Variants in SEC14L1 observed in about 807,000 individuals in gnomAD.
The protein encoded by SEC14L1 is SEC14 like lipid binding 1.
A neutral mutation model predicts 85.3 loss-of-function variants in SEC14L1; 48 were observed. The ratio of observed to expected loss-of-function variants is 0.56; its 90% CI spans 0.45 to 0.72. SEC14L1 has a LOEUF of 0.72. Ranked by LOEUF, SEC14L1 falls within the 30% of genes least tolerant of loss-of-function variation. The pLI is 0.00. For missense variants in SEC14L1, 682 were observed against 921.4 expected (o/e 0.74, Z 3.36); for synonymous variants, 391 against 355.5 (o/e 1.10, Z -1.12).
chr17:77,176,453 G>A (rs890746382), intron 3 of SEC14L1, among the ~76,000 whole-genome samples: 3 of 152,216 alleles, frequency 2.0e-5, no homozygotes, highest in Non-Finnish European at 2.9e-5. Context: ...TTTCACTGGG[G>A]ACCTGCTCCT....
rs1266590172 is a variant in SEC14L1, at chr17:77,216,110, CGTAGGTAGGGTTA to C, written c.*2098_*2110del. On this transcript the variant is annotated 3_prime_UTR_variant, in exon 17 of 17. Transcript: ENST00000436233. The stretch of plus-strand genomic sequence containing the variant: ...GTAGGTAGGGCTAGTAGGTAGGGTT[CGTAGGTAGGGTTA>C]GTAGGTAGGGCTAGTAGGTAGGGTT... 152 of 797,928 alleles carry C rather than the reference CGTAGGTAGGGTTA, an allele frequency of 1.9e-4. 1 individual carries two copies. Among genetic ancestry groups the C allele is most frequent in the Admixed American group, 1.7e-3 (13 of 7,798 alleles). The allele number at this position is 797,928 out of a possible 1,614,324, so 49.4% of individuals were successfully genotyped here.
intron 14 of SEC14L1, 148 bp downstream of exon 14, chr17:77,209,624 A>G: frequency 1.2e-6 from 1 of 804,438 alleles, no homozygotes; most frequent in East Asian, 2.8e-5. Flanking sequence ...CTCGATATTT[A>G]GTTTCAGTAA....
At chr17:77,196,790 C>T (rs1338361516) in intron 8 of SEC14L1, among the ~76,000 whole-genome samples, 1 of 152,152 alleles carries the variant, frequency 6.6e-6, no homozygotes, top group Non-Finnish European at 1.5e-5. Flanking sequence ...CTAGGCATTG[C>T]ATGTATTTGG....
chr17:77,178,869 G>A (rs1054126617), intron 3 of SEC14L1, among the ~76,000 whole-genome samples: 18 of 152,312 alleles, frequency 1.2e-4, no homozygotes, highest in Admixed American at 1.2e-3. Flanking sequence ...GTTAAACGAA[G>A]GTAGTCCAGG....
At chr17:77,208,630 G>A (rs572053224) in intron 13 of SEC14L1, among the ~76,000 whole-genome samples, 83 of 152,282 alleles carry the variant, frequency 5.5e-4, no homozygotes, top group African/African-American at 1.9e-3. Context: ...ACTAACCAGC[G>A]GGCAGTCTGG....
chr17:77,106,226 C>G (rs1044355067), intron 3 of SEC14L1, among the ~76,000 whole-genome samples: 2 of 151,838 alleles, frequency 1.3e-5, no homozygotes, highest in African/African-American at 4.8e-5. Context: ...AGACTGTCTT[C>G]TACAAATAAT....
intron 3 of SEC14L1, among the ~76,000 whole-genome samples, chr17:77,163,306 C>T (rs1974149525): frequency 1.3e-5 from 2 of 152,022 alleles, no homozygotes; most frequent in African/African-American, 4.8e-5. Context: ...ATCTTGAAGG[C>T]CAGCTGCCAA....
rs556340718 is a variant in SEC14L1 at position 77,116,824 on chromosome 17, C to G, written c.-136+23477C>G. On this transcript the variant is annotated intron_variant, in intron 3 of 19. Coordinates refer to the SEC14L1 transcript ENST00000392476. ...TAAGGAGCTTACCTGGCAGGATGCTCTGGGGTAAGTGGGACTGTAGAAGTC... is the reference window on the plus strand; with the variant it reads ...TAAGGAGCTTACCTGGCAGGATGCTGTGGGGTAAGTGGGACTGTAGAAGTC... 6.6e-5 allele frequency among the ~76,000 whole-genome samples: 10 copies of G among 152,266 alleles called. No individual in the cohort carries two copies. In the South Asian group the frequency reaches 1.7e-3, roughly 25 times the overall value.
At chr17:77,100,265 T>C (rs573194124) in intron 3 of SEC14L1, among the ~76,000 whole-genome samples, 1 of 152,238 alleles carries the variant, frequency 6.6e-6, no homozygotes, top group Non-Finnish European at 1.5e-5. Context: ...CTCCGAGCAC[T>C]GTGGTCATCT....
intron 5 of SEC14L1, among the ~76,000 whole-genome samples, chr17:77,192,758 T>C (rs1162516122): frequency 6.6e-6 from 1 of 151,772 alleles, no homozygotes; most frequent in African/African-American, 2.4e-5. Flanking sequence ...CCTCCCAGGC[T>C]CAAGTGATCC....
chr17:77,092,772 A>C (rs1384392769), intron 2 of SEC14L1, among the ~76,000 whole-genome samples: 3 of 151,930 alleles, frequency 2.0e-5, no homozygotes, highest in African/African-American at 7.3e-5. Context: ...AACATGGAGA[A>C]ACCCCGTCTT....
intron 3 of SEC14L1, among the ~76,000 whole-genome samples, chr17:77,176,594 C>T (rs969863367): frequency 6.6e-6 from 1 of 152,110 alleles, no homozygotes; most frequent in Non-Finnish European, 1.5e-5. Flanking sequence ...TTTGTTTGTT[C>T]GTTTGTTTTT....
At chr17:77,138,562 G>T (rs900482164), upstream of SEC14L1, among the ~76,000 whole-genome samples, 67 of 152,224 alleles carry the variant, frequency 4.4e-4, no homozygotes, top group Non-Finnish European at 7.2e-4. Flanking sequence ...GGAGGTTGCA[G>T]TGAGCCAAGA....
intron 8 of SEC14L1, among the ~76,000 whole-genome samples, chr17:77,197,280 C>T (rs777188292): frequency 2.6e-5 from 4 of 152,246 alleles, no homozygotes; most frequent in Middle Eastern, 3.4e-3. Context: ...CACATGGCCA[C>T]GGAGGAAGAC....
At position 77,216,327 on chromosome 17, in the gene SEC14L1, G is replaced by A; in HGVS notation, c.*2304G>A. The A allele has an allele frequency of 7.4e-7, 1 of 1,352,610 alleles. No individual in the cohort carries two copies. Among genetic ancestry groups the A allele is most frequent in the Non-Finnish European group, 9.5e-7 (1 of 1,050,686 alleles). The allele number at this position is 1,352,610 out of a possible 1,614,324, so 83.8% of individuals were successfully genotyped here. On this transcript the variant is annotated 3_prime_UTR_variant, in exon 17 of 17. Transcript: ENST00000436233. ...GCTAGTAGGTAGGGCTAGTAGGTAG[G>A]GCTAGTAGGTAGGGTTAGTAGGTAG...
rs574704999 is a variant in SEC14L1 at position 77,213,229 on chromosome 17, A to C, written c.1864-85A>C. On this transcript the variant is annotated intron_variant, in intron 15 of 16. Transcript: ENST00000436233. The surrounding 1 kb of genome is among the most constrained non-coding windows in gnomAD (Gnocchi z 7.1). ...CGTAGCTACATGAAATCCTAAAGAC[A>C]GTCCCCTTGGCGCTTGTCAGGCCTG... The C allele has an allele frequency of 8.7e-7, 1 of 1,151,320 alleles. No individual in the cohort carries two copies. The highest frequency in any genetic ancestry group is 1.5e-5 in the African/African-American group (1 of 64,662). 71.3% of individuals were successfully genotyped at this position (1,151,320 alleles called of 1,614,324 possible).
chr17:77,206,684 A>T lies in SEC14L1; in HGVS notation c.1342-44A>T. 1 of 1,560,860 alleles carries T rather than the reference A, an allele frequency of 6.4e-7. No individual in the cohort carries two copies. Among genetic ancestry groups the T allele is most frequent in the Non-Finnish European group, 8.7e-7 (1 of 1,155,744 alleles). ...ATTGTCATTTTAATCTTGGACACTC[A>T]GGCAGCAGAGAAATATGACTGCATG... On this transcript the variant is annotated intron_variant, in intron 12 of 16. Coordinates refer to ENST00000436233, the MANE Select transcript of SEC14L1 (RefSeq NM_001143998.2). The surrounding 1 kb of genome is among the most constrained non-coding windows in gnomAD (Gnocchi z 4.3).
intron 2 of SEC14L1, among the ~76,000 whole-genome samples, chr17:77,092,808 C>T (rs931847974): frequency 2.0e-5 from 3 of 151,974 alleles, no homozygotes; most frequent in Non-Finnish European, 4.4e-5. Flanking sequence ...ATTAGCTGGG[C>T]GTGGTGGCAC....
chr17:77,147,034 G>A (rs908991569), intron 3 of SEC14L1, among the ~76,000 whole-genome samples: 10 of 152,168 alleles, frequency 6.6e-5, no homozygotes, highest in African/African-American at 2.4e-4. Context: ...AGCTTCCGCC[G>A]GCGGACTTGT....
Sources: allele counts gnomAD v4.1 joint callset (sites outside exome capture counted in the v4.1 genomes callset), GRCh38; gene constraint gnomAD v4.1.1; non-coding constraint Gnocchi (gnomAD v3.1); transcripts MANE v1.5; gene names NCBI Gene and HGNC (gene_info 2026-07-23, HGNC 2026-07-21).